Variants in NKX2-2 observed in about 807,000 individuals in gnomAD.
NKX2-2 encodes the protein homeobox protein Nkx-2.2.
Under a neutral mutation model 24.6 loss-of-function variants are expected in NKX2-2, and 8 were observed. The ratio of observed to expected loss-of-function variants is 0.32; its 90% CI spans 0.19 to 0.59. The LOEUF is 0.59. Ranked by LOEUF, NKX2-2 falls within the 20% of genes least tolerant of loss-of-function variation. The pLI, the probability that NKX2-2 is intolerant of heterozygous loss-of-function variation, is 0.86. For synonymous variants in NKX2-2, 217 were observed against 173.3 expected (o/e 1.25, Z -1.98); for missense variants, 381 against 373.9 (o/e 1.02, Z -0.16).
In NKX2-2 at chr20:21,513,546, C is replaced by A; in HGVS notation, c.124G>T (p.Ala42Ser). 6.2e-7 allele frequency: 1 copy of A among 1,613,368 alleles called. No individual in the cohort carries two copies. The highest frequency in any genetic ancestry group is 8.5e-7 in the Non-Finnish European group (1 of 1,179,704). ...TGCCCCAGCGGCCCGGCCCTCTTGGCTGGCTCGGGCCCCTCGTTCTCTTCC... is the reference window on the plus strand; with the variant it reads ...TGCCCCAGCGGCCCGGCCCTCTTGGATGGCTCGGGCCCCTCGTTCTCTTCC... ...PEEENEGPEP[A>S]KRAGPLGQGA... is the part of the protein sequence containing the mutation. The change falls in exon 1 of 2, where the codon GCC becomes TCC. Residue 42 changes from alanine to serine, a missense_variant. By Grantham distance (99) the Ala-to-Ser change is moderately conservative (BLOSUM62 1). Transcript: ENST00000377142. The surrounding 1 kb of genome is among the most constrained non-coding windows in gnomAD (Gnocchi z 4.6).
chr20:21,512,114 C>T lies in NKX2-2; in HGVS notation c.631G>A (p.Asp211Asn), dbSNP rs767138374. 4 of 1,613,704 alleles carry T rather than the reference C, an allele frequency of 2.5e-6. No homozygotes were observed. Among genetic ancestry groups the T allele is most frequent in the Non-Finnish European group, 3.4e-6 (4 of 1,179,934 alleles). Residue 211 changes from aspartate (D) to asparagine (N), a missense_variant, in exon 2 of 2, where the codon GAC becomes AAC. Physicochemically the swap from Asp to Asn is conservative, Grantham distance 23 (BLOSUM62 1). Transcript: ENST00000377142. ...TTGAGCGCGTGACATGGTTTGCCGT[C>T]CCTGACCAAGACGGGCACGGCCACC... is the stretch of plus-strand genomic sequence containing the variant. ...RRVAVPVLVR[D>N]GKPCHALKAQ...
intron 1 of NKX2-2, 48 bp from the exon 2 acceptor site, chr20:21,512,533 C>A (rs1438316355): frequency 7.2e-7 from 1 of 1,390,796 alleles, no homozygotes; most frequent in African/African-American, 1.4e-5. Context: ...GGAGGCCGCG[C>A]GCAGCCTGCA....
At chr20:21,512,511 C>G in intron 1 of NKX2-2, 26 bp from the exon 2 acceptor site, 7 of 1,500,956 alleles carry the variant, frequency 4.7e-6, no homozygotes, top group Non-Finnish European at 6.2e-6. Flanking sequence ...GAGAGAAGCG[C>G]GTCAGGCGTC....
rs900019944 is a variant in NKX2-2 at position 21,513,337 on chromosome 20, C to T, written c.259+74G>A. ...TACATGGCCCCTTCCCCTTTCACTCCCAGCGTCCAACCCGGGCTGCGGCTG... is the reference window on the plus strand; with the variant it reads ...TACATGGCCCCTTCCCCTTTCACTCTCAGCGTCCAACCCGGGCTGCGGCTG... On this transcript the variant is annotated intron_variant, in intron 1 of 1. Transcript: ENST00000377142. This position sits in a 1 kb window ranked among gnomAD's most constrained non-coding sequence, Gnocchi z 4.6. The T allele has an allele frequency of 4.8e-6, 7 of 1,458,594 alleles. No homozygotes were observed. The African/African-American group carries it at 8.7e-5, about 18-fold the overall frequency. 90.4% of individuals were successfully genotyped at this position (1,458,594 alleles called of 1,614,324 possible).
At chr20:21,514,216 G>A (rs2122545391), upstream of NKX2-2, among the ~76,000 whole-genome samples, 1 of 152,156 alleles carries the variant, frequency 6.6e-6, no homozygotes, top group East Asian at 1.9e-4. Context: ...GAAAAAAGGG[G>A]GAAGAGACAT....
At chr20:21,517,937 C>T (rs1210469883), upstream of NKX2-2, among the ~76,000 whole-genome samples, 1 of 152,182 alleles carries the variant, frequency 6.6e-6, no homozygotes, top group Admixed American at 6.5e-5. Flanking sequence ...ACCACTCCCA[C>T]CCTGTCAGCG....
upstream of NKX2-2, among the ~76,000 whole-genome samples, chr20:21,516,676 G>T (rs1294805139): frequency 2.0e-5 from 3 of 152,176 alleles, no homozygotes; most frequent in East Asian, 1.9e-4. Flanking sequence ...TCCTAAGGGG[G>T]TGGAGGCTGT....
upstream of NKX2-2, among the ~76,000 whole-genome samples, chr20:21,515,201 C>T (rs1980596992): frequency 6.6e-6 from 1 of 151,616 alleles, no homozygotes; most frequent in South Asian, 2.1e-4. Flanking sequence ...CCTCCCTCTC[C>T]GGCCCCCTCC....
At position 21,513,755 on chromosome 20, in the gene NKX2-2, G is replaced by T; in HGVS notation, c.-86C>A. 3 of 816,184 alleles carry T rather than the reference G, an allele frequency of 3.7e-6. No individual in the cohort carries two copies. The highest frequency in any genetic ancestry group is 4.6e-5 in the South Asian group (2 of 43,438). The allele number at this position is 816,184 out of a possible 1,614,324, so 50.6% of individuals were successfully genotyped here. A position where few individuals can be genotyped will look rare whatever the true frequency, so the allele number is the denominator to read the frequency against. On this transcript the variant is annotated 5_prime_UTR_variant, in exon 1 of 2. Coordinates refer to ENST00000377142, the MANE Select transcript of NKX2-2 (RefSeq NM_002509.4). This position sits in a 1 kb window ranked among gnomAD's most constrained non-coding sequence, Gnocchi z 4.6. ...CTCCCCTGCCCCGGCGGGCGGGGGA[G>T]GGGGGAGTTGGGGGGAGGGACTGGG... is the stretch of plus-strand genomic sequence containing the variant.
upstream of NKX2-2, among the ~76,000 whole-genome samples, chr20:21,515,335 G>T (rs1600262393): frequency 1.3e-5 from 2 of 152,158 alleles, no homozygotes; most frequent in African/African-American, 2.4e-5. Context: ...GAGGGGGGTC[G>T]CTGGGTGGCC....
rs749003972 is a variant in NKX2-2, at chr20:21,513,488, A to C, written c.182T>G (p.Leu61Arg). Residue 61 changes from leucine to arginine, a missense_variant, in exon 1 of 2, where the codon CTG becomes CGG. Coordinates refer to ENST00000377142, the MANE Select transcript of NKX2-2 (RefSeq NM_002509.4). This position sits in a 1 kb window ranked among gnomAD's most constrained non-coding sequence, Gnocchi z 4.6. ...GALDAVQSLPLKNPFYDSSDN... is the reference protein window; with the variant it reads ...GALDAVQSLPRKNPFYDSSDN... Reference sequence around the variant, plus strand: ...GCTGCTGTCGTAGAAGGGGTTCTTCAGGGGCAGGCTCTGCACCGCGTCCAG... The same window carrying C: ...GCTGCTGTCGTAGAAGGGGTTCTTCCGGGGCAGGCTCTGCACCGCGTCCAG... 1.2e-6 allele frequency: 2 copies of C among 1,611,144 alleles called. No homozygotes were observed. Among genetic ancestry groups the C allele is most frequent in the Non-Finnish European group, 1.7e-6 (2 of 1,178,770 alleles).
Position 21,513,269 on chromosome 20 carries a change from T to G in NKX2-2, c.259+142A>C. 1.2e-6 allele frequency: 1 copy of G among 822,202 alleles called. No individual in the cohort carries two copies. The highest frequency in any genetic ancestry group is 1.8e-6 in the Non-Finnish European group (1 of 554,570). The allele number at this position is 822,202 out of a possible 1,614,324, so 50.9% of individuals were successfully genotyped here. A position where few individuals can be genotyped will look rare whatever the true frequency, so the allele number is the denominator to read the frequency against. On this transcript the variant is annotated intron_variant, in intron 1 of 1. Coordinates refer to ENST00000377142, the MANE Select transcript of NKX2-2 (RefSeq NM_002509.4). The surrounding 1 kb of genome is among the most constrained non-coding windows in gnomAD (Gnocchi z 4.6). ...GAGGGCAGAGGACATCCTATACAGG[T>G]GTTAAAAATCTTTCTACGGATCCGA...
chr20:21,516,183 T>C (rs1390804110), upstream of NKX2-2, among the ~76,000 whole-genome samples: 1 of 152,192 alleles, frequency 6.6e-6, no homozygotes, highest in Non-Finnish European at 1.5e-5. Context: ...TGTCATGGCA[T>C]TCAACCCTTT....
Position 21,513,375 on chromosome 20 carries a change from G to A in NKX2-2, c.259+36C>T, listed in dbSNP as rs573344739. ...CGGGCTGCGGCTGCAGGAATGGAGG[G>A]GACCACGGCCTCGGCAGCCAAGTTT... is the stretch of plus-strand genomic sequence containing the variant. On this transcript the variant is annotated intron_variant, in intron 1 of 1. Coordinates refer to ENST00000377142, the MANE Select transcript of NKX2-2 (RefSeq NM_002509.4). The surrounding 1 kb of genome is among the most constrained non-coding windows in gnomAD (Gnocchi z 4.6). The A allele has an allele frequency of 9.3e-6, 14 of 1,499,356 alleles. No individual in the cohort carries two copies. The highest frequency in any genetic ancestry group is 5.3e-6 in the Non-Finnish European group (6 of 1,122,958). The allele number at this position is 1,499,356 out of a possible 1,614,324, so 92.9% of individuals were successfully genotyped here.
At chr20:21,514,604 G>T (rs1160990986), upstream of NKX2-2, among the ~76,000 whole-genome samples, 1 of 151,674 alleles carries the variant, frequency 6.6e-6, no homozygotes, top group African/African-American at 2.4e-5. Flanking sequence ...GCCCCCGCGC[G>T]CCCACCCCCG....
chr20:21,514,982 AC>A (rs1330481131), upstream of NKX2-2, among the ~76,000 whole-genome samples: 3 of 133,050 alleles, frequency 2.3e-5, no homozygotes, highest in Non-Finnish European at 3.3e-5. Context: ...CCCACCCCCA[AC>A]CCCCCGCCTC....
Position 21,511,814 on chromosome 20 carries a change from A to T in NKX2-2, c.*109T>A, listed in dbSNP as rs1055968941. On this transcript the variant is annotated 3_prime_UTR_variant, in exon 2 of 2. Transcript: ENST00000377142. ...CCGAGAGTCAACTCGACTCCATAATAATAATTATAATAATAATAATAACCA... is the reference window on the plus strand; with the variant it reads ...CCGAGAGTCAACTCGACTCCATAATTATAATTATAATAATAATAATAACCA... 6 of 811,510 alleles carry T rather than the reference A, an allele frequency of 7.4e-6. No homozygotes were observed. The highest frequency in any genetic ancestry group is 3.5e-5 in the African/African-American group (2 of 56,888). The allele number at this position is 811,510 out of a possible 1,614,324, so 50.3% of individuals were successfully genotyped here.
rs753339802 is a variant in NKX2-2 at position 21,513,555 on chromosome 20, G to C, written c.115C>G (p.Pro39Ala). The C allele has an allele frequency of 1.9e-6, 3 of 1,613,442 alleles. No homozygotes were observed. The East Asian group carries it at 6.7e-5, about 36-fold the overall frequency. The change falls in exon 1 of 2, where the codon CCC (proline) becomes GCC (alanine). Residue 39 changes from proline (P) to alanine (A), a missense_variant. Physicochemically the swap from Pro to Ala is conservative, Grantham distance 27. This residue lies in a region of NKX2-2 where 206 missense variants were observed against 173.1 expected (regional missense o/e 1.19). Coordinates refer to ENST00000377142, the MANE Select transcript of NKX2-2 (RefSeq NM_002509.4). This position sits in a 1 kb window ranked among gnomAD's most constrained non-coding sequence, Gnocchi z 4.6. ...GGCCCGGCCCTCTTGGCTGGCTCGGGCCCCTCGTTCTCTTCCTCCGGACCT... is the reference window on the plus strand; with the variant it reads ...GGCCCGGCCCTCTTGGCTGGCTCGGCCCCCTCGTTCTCTTCCTCCGGACCT... Reference protein sequence around the residue: ...AEGPEEENEGPEPAKRAGPLG... With the variant: ...AEGPEEENEGAEPAKRAGPLG...
At chr20:21,514,957 C>A (rs1980583835), upstream of NKX2-2, among the ~76,000 whole-genome samples, 1 of 152,166 alleles carries the variant, frequency 6.6e-6, no homozygotes, top group Non-Finnish European at 1.5e-5. Flanking sequence ...TCCTTCACTC[C>A]GCCTCCCCCC....
Sources: gnomAD v4.1 joint callset for allele counts (sites outside exome capture counted in the v4.1 genomes callset) on GRCh38, gnomAD v4.1.1 for gene constraint, gnomAD v4.1.1 regional missense constraint, Gnocchi (gnomAD v3.1) non-coding constraint, MANE v1.5 for transcripts, NCBI Gene and HGNC (gene_info 2026-07-23, HGNC 2026-07-21) for gene names.